Variants in ATP9B observed in about 807,000 individuals in gnomAD.
ATP9B encodes ATPase phospholipid transporting 9B.
In ATP9B, 110 loss-of-function variants were observed where a neutral mutation model predicts 146.1. The ratio of observed to expected loss-of-function variants is 0.75; its 90% confidence interval spans 0.65 to 0.88. The LOEUF is 0.88. Among genes scored for constraint, ATP9B ranks in the 40% least tolerant of loss-of-function variants. The pLI is 0.00. For missense variants in ATP9B, 1,499 were observed against 1,496.4 expected, an observed-to-expected ratio of 1.00 and a Z score of -0.03; for synonymous variants, 604 against 569.7, an observed-to-expected ratio of 1.06 and a Z score of -0.86.
intron 3 of ATP9B, among the ~76,000 whole-genome samples, chr18:79,111,760 G>T (rs667691): frequency 6.6e-6 from 1 of 152,110 alleles, no homozygotes; most frequent in East Asian, 1.9e-4. Flanking sequence ...CAGATTGGCC[G>T]CATGCTGAAA....
At chr18:79,306,279 C>T (rs563519822) in intron 14 of ATP9B, among the ~76,000 whole-genome samples, 2 of 152,260 alleles carry the variant, frequency 1.3e-5, no homozygotes, top group East Asian at 1.9e-4. Context: ...TGACACCCTC[C>T]GCCACGTAGG....
rs536122117 is a variant in ATP9B, at chr18:79,175,197, CA to C, written c.779-1600del. On this transcript the variant is annotated intron_variant, in intron 7 of 29. Transcript: ENST00000426216. ...GCCTGGCGACAGAGCGAGACTGTCT[CA>C]AAAAAAAAAAAAAAAGAAAAAAAAA... is the stretch of plus-strand genomic sequence containing the variant. Among the ~76,000 whole-genome samples the C allele has an allele frequency of 5.1e-3, 294 of 57,442 alleles. 2 individuals carry two copies. The highest frequency in any genetic ancestry group is 0.011 in the African/African-American group (202 of 17,888). 37.7% of individuals were successfully genotyped at this position (57,442 alleles called of 152,430 possible).
intron 1 of ATP9B, among the ~76,000 whole-genome samples, chr18:79,080,061 A>G (rs1415451462): frequency 1.3e-5 from 2 of 152,172 alleles, no homozygotes; most frequent in African/African-American, 2.4e-5. Flanking sequence ...GTATAGTTTG[A>G]AGTCAGATAG....
chr18:79,070,535 G>T (rs2071606969), intron 1 of ATP9B, among the ~76,000 whole-genome samples: 1 of 152,212 alleles, frequency 6.6e-6, no homozygotes, highest in South Asian at 2.1e-4. Flanking sequence ...TCAGTGCTTG[G>T]TTGGAAGTGG....
chr18:79,185,184 A>G (rs1038039329), intron 8 of ATP9B, among the ~76,000 whole-genome samples: 7 of 152,296 alleles, frequency 4.6e-5, no homozygotes, highest in Non-Finnish European at 1.0e-4. Context: ...GCATACACAT[A>G]TATCAAAACA....
chr18:79,156,922 C>T (rs1014254635), intron 7 of ATP9B, among the ~76,000 whole-genome samples: 1 of 152,148 alleles, frequency 6.6e-6, no homozygotes, highest in Non-Finnish European at 1.5e-5. Flanking sequence ...TCTGCAGGCC[C>T]TCCAGTCCCC....
intron 12 of ATP9B, among the ~76,000 whole-genome samples, chr18:79,261,754 C>A (rs1245100383): frequency 6.6e-6 from 1 of 152,164 alleles, no homozygotes; most frequent in South Asian, 2.1e-4. Context: ...TGCAGTGCTC[C>A]ATGGCTACTG....
chr18:79,290,288 T>C (rs112285524), intron 13 of ATP9B, among the ~76,000 whole-genome samples: 1 of 152,236 alleles, frequency 6.6e-6, no homozygotes, highest in African/African-American at 2.4e-5. Flanking sequence ...GCTTCCTGGC[T>C]GCTTTGTTTA....
intron 7 of ATP9B, chr18:79,173,738 G>A (rs1486792797): frequency 2.2e-6 from 1 of 455,846 alleles, no homozygotes; most frequent in African/African-American, 2.0e-5. Context: ...CATCTGGTAA[G>A]TCTTAAAATC....
intron 11 of ATP9B, among the ~76,000 whole-genome samples, chr18:79,226,301 C>T (rs2095733708): frequency 6.6e-6 from 1 of 152,240 alleles, no homozygotes; most frequent in African/African-American, 2.4e-5. Context: ...GTGCTTTGCT[C>T]CTCATGCGTT....
At chr18:79,347,992 C>T in intron 24 of ATP9B, 67 bp downstream of exon 24, 1 of 1,603,696 alleles carries the variant, frequency 6.2e-7, no homozygotes, top group Non-Finnish European at 8.5e-7. Context: ...CCGGGAAGGG[C>T]AGGGTCCGGG....
At position 79,207,973 on chromosome 18, in the gene ATP9B, C is replaced by T. The variant is rs1336427030; in HGVS notation, c.1030+961C>T. Among the ~76,000 whole-genome samples the T allele has an allele frequency of 2.6e-5, 4 of 152,180 alleles. No individual in the cohort carries two copies. The East Asian group carries it at 7.8e-4, about 30-fold the overall frequency. ...ATTAAAGAAGCTTATAGGCCGGGCG[C>T]GGGGGCTCACGCCTGGAATCCCAGC... On this transcript the variant is annotated intron_variant, in intron 10 of 29. Coordinates refer to ENST00000426216, the MANE Select transcript of ATP9B (RefSeq NM_198531.5).
chr18:79,339,361 CAT>C (rs980358597), intron 19 of ATP9B, among the ~76,000 whole-genome samples: 3 of 133,188 alleles, frequency 2.3e-5, no homozygotes, highest in African/African-American at 8.8e-5. Context: ...ATGAGACTAT[CAT>C]ATCTGTCTGA....
intron 19 of ATP9B, 152 bp from the exon 20 acceptor site, chr18:79,342,116 A>T: frequency 1.6e-6 from 1 of 615,748 alleles, no homozygotes. Flanking sequence ...ATAATACTCC[A>T]TTGTATGTAT....
chr18:79,192,492 A>G (rs566195113), intron 8 of ATP9B, among the ~76,000 whole-genome samples: 50 of 152,318 alleles, frequency 3.3e-4, no homozygotes, highest in African/African-American at 1.2e-3. Context: ...GGTGGCGTCC[A>G]TTGGAGACCA....
chr18:79,357,798 G>A (rs1413033707), intron 25 of ATP9B, among the ~76,000 whole-genome samples: 9 of 3,394 alleles, frequency 2.7e-3, no homozygotes, highest in African/African-American at 1.5e-3. Context: ...TGTGTGAGGG[G>A]TGCTCTGGGT....
In ATP9B at chr18:79,337,721, G is replaced by A. The variant is rs144281977; in HGVS notation, c.2283+272G>A. 2.4e-3 allele frequency among the ~76,000 whole-genome samples: 367 copies of A among 152,312 alleles called. 1 individual carries two copies. Among genetic ancestry groups the A allele is most frequent in the South Asian group, 6.4e-3 (31 of 4,824 alleles). ...TTTCTAAAGAGGAGTCCTGGTCCCA[G>A]CCCTGGCGATGTCAAACTGCCACAT... On this transcript the variant is annotated intron_variant, in intron 19 of 29. Coordinates refer to ENST00000426216, the MANE Select transcript of ATP9B (RefSeq NM_198531.5).
intron 5 of ATP9B, among the ~76,000 whole-genome samples, chr18:79,127,445 T>C (rs896577126): frequency 6.6e-6 from 1 of 151,770 alleles, no homozygotes; most frequent in Non-Finnish European, 1.5e-5. Flanking sequence ...GCACATTTCA[T>C]ATCAATGGAA....
chr18:79,128,618 CT>C (rs1035923082), intron 5 of ATP9B, among the ~76,000 whole-genome samples: 2 of 152,046 alleles, frequency 1.3e-5, no homozygotes, highest in Non-Finnish European at 2.9e-5. Flanking sequence ...TTTGCATTGT[CT>C]TTGTAAGAAT....
Sources: allele counts gnomAD v4.1 joint callset (sites outside exome capture counted in the v4.1 genomes callset), GRCh38; gene constraint gnomAD v4.1.1; transcripts MANE v1.5; gene names NCBI Gene and HGNC (gene_info 2026-07-23, HGNC 2026-07-21).